DLGAP5: variants seen among roughly 807,000 people sequenced by gnomAD.
DLGAP5 encodes the protein disks large-associated protein 5.
In DLGAP5, 90 loss-of-function variants were observed where a neutral mutation model predicts 99.6. The observed-to-expected ratio is 0.90, with a 90% CI of 0.76 to 1.08. The LOEUF is 1.08. Ranked by LOEUF, DLGAP5 falls within the 50% of genes least tolerant of loss-of-function variation. The pLI, the probability that DLGAP5 is intolerant of heterozygous loss-of-function variation, is 0.00. For synonymous variants in DLGAP5, 311 were observed against 321.3 expected (o/e 0.97, Z 0.34); for missense variants, 1,036 against 983.5 (o/e 1.05, Z -0.71).
At chr14:55,156,637 C>T (rs1205521064) in intron 14 of DLGAP5, among the ~76,000 whole-genome samples, 5 of 152,164 alleles carry the variant, frequency 3.3e-5, no homozygotes, top group Non-Finnish European at 7.3e-5. Context: ...TTTTAGTGCC[C>T]TATTCTTAAC....
chr14:55,150,944 A>G, intron 17 of DLGAP5, 96 bp from the exon 18 acceptor site: 1 of 784,970 alleles, frequency 1.3e-6, no homozygotes. Flanking sequence ...AAAGTTCCAC[A>G]TATCAAATGC....
At chr14:55,160,802 A>T (rs1429778723) in intron 13 of DLGAP5, among the ~76,000 whole-genome samples, 1 of 152,198 alleles carries the variant, frequency 6.6e-6, no homozygotes, top group Non-Finnish European at 1.5e-5. Context: ...TGGATTAATA[A>T]TTTAGATAAC....
chr14:55,157,045 TAAGACTCCAGTAAGTCCAA>T (rs997178522), intron 14 of DLGAP5, among the ~76,000 whole-genome samples: 3 of 152,206 alleles, frequency 2.0e-5, no homozygotes, highest in Non-Finnish European at 2.9e-5. Flanking sequence ...AAAACTCCAG[TAAGACTCCAGTAAGTCCAA>T]AAGACTCCAG....
Position 55,180,622 on chromosome 14 carries a change from C to G in DLGAP5, c.703+34G>C, listed in dbSNP as rs1385177486. The G allele has an allele frequency of 2.5e-6, 4 of 1,612,878 alleles. No individual in the cohort carries two copies. In the South Asian group the frequency reaches 3.3e-5, roughly 13 times the overall value. ...ACAAAAACCTCAAGGACCAAACATTCTAGTTCAGTCACTGATCAAGGAATA... is the reference window on the plus strand; with the variant it reads ...ACAAAAACCTCAAGGACCAAACATTGTAGTTCAGTCACTGATCAAGGAATA... On this transcript the variant is annotated intron_variant, in intron 6 of 18. Coordinates refer to ENST00000247191, the MANE Select transcript of DLGAP5 (RefSeq NM_014750.5).
intron 13 of DLGAP5, among the ~76,000 whole-genome samples, chr14:55,161,116 T>C (rs1882413109): frequency 1.3e-5 from 2 of 152,128 alleles, no homozygotes; most frequent in South Asian, 2.1e-4. Context: ...TATCCAAGTA[T>C]AGTATAAAAG....
chr14:55,153,489 C>T lies in DLGAP5; in HGVS notation c.2064-842G>A, dbSNP rs147648365. Among the ~76,000 whole-genome samples the T allele has an allele frequency of 1.0e-3, 157 of 150,734 alleles. 3 individuals are homozygous for T. The East Asian group carries it at 0.021, about 20-fold the overall frequency. On this transcript the variant is annotated intron_variant, in intron 15 of 18. Coordinates refer to ENST00000247191, the MANE Select transcript of DLGAP5 (RefSeq NM_014750.5). ...CTGGGAGGCGGAGGTTGCAGTGAGC[C>T]GAGGTAGTGCCACTGCACTCCAGCC... is the stretch of plus-strand genomic sequence containing the variant.
In DLGAP5 at chr14:55,150,821, G is replaced by A. The variant is rs1384003653; in HGVS notation, c.2396C>T (p.Thr799Ile). Reference sequence around the variant, plus strand: ...TACTGAATCAAGAAGGTGGCATTCAGTAGTGAGACTTTTATTATCAAATAG... The same window carrying A: ...TACTGAATCAAGAAGGTGGCATTCAATAGTGAGACTTTTATTATCAAATAG... ...SELFDNKSLT[T>I]ECHLLDSPGL... Residue 799 changes from threonine (T) to isoleucine (I), a missense_variant, in exon 18 of 19, where the codon ACT (threonine) becomes ATT (isoleucine). Physicochemically the swap from Thr to Ile is moderately conservative, Grantham distance 89. Coordinates refer to ENST00000247191, the MANE Select transcript of DLGAP5 (RefSeq NM_014750.5). 6.3e-7 allele frequency: 1 copy of A among 1,579,752 alleles called. No homozygotes were observed. Among genetic ancestry groups the A allele is most frequent in the Non-Finnish European group, 8.6e-7 (1 of 1,169,536 alleles).
intron 4 of DLGAP5, among the ~76,000 whole-genome samples, chr14:55,181,916 T>G (rs1259248512): frequency 6.6e-6 from 1 of 152,220 alleles, no homozygotes; most frequent in African/African-American, 2.4e-5. Flanking sequence ...ATCATAGCAA[T>G]GCAAAATATA....
chr14:55,166,106 T>G (rs532152019), intron 12 of DLGAP5, among the ~76,000 whole-genome samples: 21 of 152,190 alleles, frequency 1.4e-4, no homozygotes, highest in Non-Finnish European at 3.1e-4. Context: ...TGTGGAAATA[T>G]TCACAGGTTA....
intron 12 of DLGAP5, 89 bp downstream of exon 12, chr14:55,169,310 A>C: frequency 2.4e-6 from 2 of 838,638 alleles, no homozygotes; most frequent in Non-Finnish European, 1.7e-6. Context: ...GTACATAAGC[A>C]GCTACTATTA....
chr14:55,149,870 T>C (rs987551920), intron 18 of DLGAP5, among the ~76,000 whole-genome samples: 1 of 150,424 alleles, frequency 6.6e-6, no homozygotes, highest in Non-Finnish European at 1.5e-5. Flanking sequence ...GCCAACATGG[T>C]GAAACCCCGC....
chr14:55,165,968 T>C (rs74600272), intron 12 of DLGAP5, among the ~76,000 whole-genome samples: 2,274 of 152,320 alleles, frequency 0.015, 48 homozygotes, highest in African/African-American at 0.052. Flanking sequence ...TGTAAAATGG[T>C]ATAATCACTT....
chr14:55,148,812 G>C (rs1388628605), intron 18 of DLGAP5: 1 of 353,308 alleles, frequency 2.8e-6, no homozygotes, highest in Non-Finnish European at 5.4e-6. Flanking sequence ...TTTTTTATTG[G>C]AAAGGTATAT....
chr14:55,187,191 G>A lies in DLGAP5; in HGVS notation c.238+1751C>T, dbSNP rs114211483. 8.7e-3 allele frequency among the ~76,000 whole-genome samples: 1,320 copies of A among 152,142 alleles called. 20 individuals carry two copies. The highest frequency in any genetic ancestry group is 0.029 in the African/African-American group (1,214 of 41,480). On this transcript the variant is annotated intron_variant, in intron 2 of 18. Transcript: ENST00000247191. ...ACTGGGATTATAGGTATGAGCCACCGCATCTGGCCCCTTGTCTTTTAATAC... is the reference window on the plus strand; with the variant it reads ...ACTGGGATTATAGGTATGAGCCACCACATCTGGCCCCTTGTCTTTTAATAC...
intron 10 of DLGAP5, among the ~76,000 whole-genome samples, chr14:55,171,367 C>T (rs1201051024): frequency 6.6e-6 from 1 of 152,002 alleles, no homozygotes; most frequent in Admixed American, 6.6e-5. Context: ...AAACATCCTA[C>T]GATGTATAGG....
rs1000545163 is a variant in DLGAP5 at position 55,161,191 on chromosome 14, A to C, written c.1653+1780T>G. The stretch of plus-strand genomic sequence containing the variant: ...TAAAGTAGGAGAGAGACACCTGGTG[A>C]TAACAGGCAGAATTACAAATCTCTA... On this transcript the variant is annotated intron_variant, in intron 13 of 18. Transcript: ENST00000247191. 2.0e-5 allele frequency among the ~76,000 whole-genome samples: 3 copies of C among 152,140 alleles called. No individual in the cohort carries two copies. The South Asian group carries it at 6.2e-4, about 32-fold the overall frequency.
chr14:55,189,076 C>A lies in DLGAP5; in HGVS notation c.104G>T (p.Arg35Ile). 6.2e-7 allele frequency: 1 copy of A among 1,613,910 alleles called. No individual in the cohort carries two copies. The highest frequency in any genetic ancestry group is 2.2e-5 in the East Asian group (1 of 44,808). ...HRKSLSQKEN[R>I]HKEYERNRHF... ...TCTATTTCGTTCGTATTCCTTATGT[C>A]TATTTTCTTTCTGAGACAGTGATTT... Residue 35 changes from arginine (R) to isoleucine (I), a missense_variant, in exon 2 of 19, where the codon AGA (arginine) becomes ATA (isoleucine). Transcript: ENST00000247191.
intron 4 of DLGAP5, among the ~76,000 whole-genome samples, chr14:55,181,840 C>T (rs1594682747): frequency 1.3e-5 from 2 of 152,104 alleles, no homozygotes; most frequent in South Asian, 2.1e-4. Context: ...TTTTTAAATG[C>T]CTTACATGTA....
At chr14:55,165,856 G>C (rs1341995139) in intron 12 of DLGAP5, among the ~76,000 whole-genome samples, 1 of 152,114 alleles carries the variant, frequency 6.6e-6, no homozygotes, top group Non-Finnish European at 1.5e-5. Context: ...TAAAACCACA[G>C]AAAGCAAGAC....
Sources: gnomAD v4.1 joint callset for allele counts (sites outside exome capture counted in the v4.1 genomes callset) on GRCh38, gnomAD v4.1.1 for gene constraint, MANE v1.5 for transcripts, NCBI Gene and HGNC (gene_info 2026-07-23, HGNC 2026-07-21) for gene names.